Variants in PEX5L observed in about 807,000 individuals in gnomAD.
PEX5L encodes the protein peroxisomal biogenesis factor 5 like, also known as PEX5-related protein.
Under a neutral mutation model 84.0 loss-of-function variants are expected in PEX5L, and 30 were observed. The ratio of observed to expected loss-of-function variants is 0.36; its 90% CI spans 0.27 to 0.48. PEX5L has a LOEUF of 0.48. Ranked by LOEUF, PEX5L falls within the 20% of genes least tolerant of loss-of-function variation. PEX5L has a pLI of 0.99. For synonymous variants in PEX5L, 270 were observed against 283.1 expected, an observed-to-expected ratio of 0.95 and a Z score of 0.46; for missense variants, 533 against 754.6, an observed-to-expected ratio of 0.71 and a Z score of 3.44.
intron 1 of PEX5L, chr3:179,973,273 G>T: frequency 7.8e-7 from 1 of 1,288,464 alleles, no homozygotes; most frequent in Non-Finnish European, 1.0e-6. Context: ...TTATGCCACT[G>T]GCAGTGGCTT....
intron 10 of PEX5L, among the ~76,000 whole-genome samples, chr3:179,815,165 A>C (rs897464541): frequency 2.6e-5 from 4 of 152,250 alleles, no homozygotes; most frequent in African/African-American, 9.6e-5. Context: ...GACCTGGTCT[A>C]ATTTTTGGAA....
At chr3:179,879,688 CTATCTA>C (rs1210199936) in intron 5 of PEX5L, among the ~76,000 whole-genome samples, 1 of 152,176 alleles carries the variant, frequency 6.6e-6, no homozygotes, top group Non-Finnish European at 1.5e-5. Context: ...CACCCAGCAC[CTATCTA>C]TAACTCAATA....
chr3:179,835,247 C>T (rs571386913), intron 8 of PEX5L, among the ~76,000 whole-genome samples: 1 of 152,322 alleles, frequency 6.6e-6, no homozygotes, highest in Admixed American at 6.5e-5. Context: ...TACCACTCCC[C>T]TAGAGATGTG....
intron 8 of PEX5L, among the ~76,000 whole-genome samples, chr3:179,830,412 G>A (rs1037826368): frequency 4.0e-5 from 6 of 151,672 alleles, no homozygotes; most frequent in Non-Finnish European, 7.4e-5. Flanking sequence ...CTGCTTTGAC[G>A]CTGAAATCAA....
At chr3:179,992,177 A>G (rs73180015) in intron 1 of PEX5L, among the ~76,000 whole-genome samples, 16,647 of 152,222 alleles carry the variant, frequency 0.11, 1,021 homozygotes, top group Non-Finnish European at 0.13. Flanking sequence ...ACTATATGCA[A>G]TATATTCTTC....
At chr3:179,864,920 T>A (rs1033571667) in intron 7 of PEX5L, among the ~76,000 whole-genome samples, 2 of 152,178 alleles carry the variant, frequency 1.3e-5, no homozygotes, top group African/African-American at 2.4e-5. Flanking sequence ...AATATTTTTT[T>A]CCCAGGGCAC....
intron 3 of PEX5L, among the ~76,000 whole-genome samples, chr3:179,890,960 TA>T (rs869156148): frequency 2.0e-5 from 3 of 149,112 alleles, no homozygotes; most frequent in Admixed American, 6.8e-5. Flanking sequence ...TTACCAAAGG[TA>T]AAAAAATTTT....
At chr3:180,014,700 G>T (rs1421744141) in intron 1 of PEX5L, among the ~76,000 whole-genome samples, 2 of 152,168 alleles carry the variant, frequency 1.3e-5, no homozygotes, top group Non-Finnish European at 2.9e-5. Context: ...TATAAAAAGT[G>T]TGTGTTCTAT....
chr3:179,867,808 GA>G (rs1422557672), intron 7 of PEX5L, among the ~76,000 whole-genome samples: 1 of 152,134 alleles, frequency 6.6e-6, no homozygotes, highest in Non-Finnish European at 1.5e-5. Flanking sequence ...TGTATGGCCT[GA>G]AATCAGATGA....
chr3:179,897,443 T>C (rs1288265862), intron 3 of PEX5L, among the ~76,000 whole-genome samples: 1 of 152,160 alleles, frequency 6.6e-6, no homozygotes, highest in Non-Finnish European at 1.5e-5. Context: ...CGAGGACATA[T>C]AGGATTCACA....
chr3:179,884,922 G>GA (rs1042862008), intron 4 of PEX5L, among the ~76,000 whole-genome samples: 11 of 151,860 alleles, frequency 7.2e-5, no homozygotes, highest in South Asian at 2.1e-4. Flanking sequence ...GGTTCATAGA[G>GA]AAAAAAAATC....
intron 1 of PEX5L, chr3:179,974,238 T>C (rs1785467395): frequency 1.0e-6 from 1 of 974,714 alleles, no homozygotes; most frequent in South Asian, 4.8e-5. Flanking sequence ...AAAAGAAAGC[T>C]AATCTCTCCA....
chr3:179,813,992 T>G (rs949675998), intron 10 of PEX5L, among the ~76,000 whole-genome samples: 1 of 141,728 alleles, frequency 7.1e-6, no homozygotes. Context: ...TTTTTTTTTT[T>G]GTATTTTTAC....
At chr3:179,934,472 G>T (rs1183543085) in intron 2 of PEX5L, among the ~76,000 whole-genome samples, 1 of 152,180 alleles carries the variant, frequency 6.6e-6, no homozygotes, top group Non-Finnish European at 1.5e-5. Flanking sequence ...CAAATGACAC[G>T]ATAAGGTGGA....
At chr3:179,904,308 T>C (rs1762400151) in intron 2 of PEX5L, among the ~76,000 whole-genome samples, 1 of 152,216 alleles carries the variant, frequency 6.6e-6, no homozygotes, top group African/African-American at 2.4e-5. Context: ...ACTAATTACA[T>C]TCTATTATAT....
At chr3:179,957,991 A>G (rs896689719) in intron 2 of PEX5L, among the ~76,000 whole-genome samples, 1 of 151,938 alleles carries the variant, frequency 6.6e-6, no homozygotes, top group African/African-American at 2.4e-5. Flanking sequence ...GTAGCCACAC[A>G]TTCTCCTTTT....
intron 14 of PEX5L, among the ~76,000 whole-genome samples, chr3:179,803,629 G>A (rs1719994534): frequency 6.6e-6 from 1 of 152,212 alleles, no homozygotes; most frequent in African/African-American, 2.4e-5. Flanking sequence ...GAATAATCAT[G>A]CCACTTTAAT....
intron 2 of PEX5L, among the ~76,000 whole-genome samples, chr3:179,954,363 CAG>C (rs1316104862): frequency 7.4e-6 from 1 of 135,944 alleles, no homozygotes; most frequent in East Asian, 2.2e-4. Context: ...AACTAGGAAA[CAG>C]AACAAAACAG....
chr3:179,991,263 T>C (rs1787351136), intron 1 of PEX5L, among the ~76,000 whole-genome samples: 1 of 152,226 alleles, frequency 6.6e-6, no homozygotes, highest in Non-Finnish European at 1.5e-5. Context: ...ATTTCAAGTA[T>C]GTGCTTATTG....
Sources: allele counts gnomAD v4.1 joint callset (sites outside exome capture counted in the v4.1 genomes callset), GRCh38; gene constraint gnomAD v4.1.1; transcripts MANE v1.5; gene names NCBI Gene and HGNC (gene_info 2026-07-23, HGNC 2026-07-21).